The following NRXN1 variants were observed in gnomAD, a reference collection of about 807,000 sequenced individuals.
The protein encoded by NRXN1 is neurexin-1.
NRXN1 carries 39 observed loss-of-function variants against 150.9 expected under a neutral mutation model. The observed-to-expected ratio is 0.26, with a 90% CI of 0.20 to 0.34. The LOEUF (loss-of-function observed/expected upper bound fraction) is 0.34. NRXN1 is among the 10% of genes least tolerant of loss of function. NRXN1 has a pLI of 1.00. For missense variants in NRXN1, 1,815 were observed against 1,949.9 expected (o/e 0.93, Z 1.30); for synonymous variants, 924 against 757.0 (o/e 1.22, Z -3.62).
intron 5 of NRXN1, among the ~76,000 whole-genome samples, chr2:50,892,545 C>G (rs1316835324): frequency 2.0e-5 from 3 of 152,068 alleles, no homozygotes; most frequent in Non-Finnish European, 2.9e-5. Context: ...GAAAGAGCCA[C>G]CAAATAGTCT....
chr2:50,915,139 A>C (rs1221905833), intron 5 of NRXN1, among the ~76,000 whole-genome samples: 1 of 151,642 alleles, frequency 6.6e-6, no homozygotes, highest in Non-Finnish European at 1.5e-5. Flanking sequence ...AAAATCTTGA[A>C]GTATGTGAGA....
intron 8 of NRXN1, among the ~76,000 whole-genome samples, chr2:50,567,438 G>C (rs1670042571): frequency 6.6e-6 from 1 of 152,024 alleles, no homozygotes; most frequent in Non-Finnish European, 1.5e-5. Flanking sequence ...TCAGGTAAGT[G>C]AGATACTCAC....
chr2:50,662,651 G>C (rs897200204), intron 5 of NRXN1, among the ~76,000 whole-genome samples: 15 of 151,826 alleles, frequency 9.9e-5, no homozygotes, highest in African/African-American at 3.6e-4. Flanking sequence ...GTGGCCCAAG[G>C]CGATTCTTCT....
intron 17 of NRXN1, among the ~76,000 whole-genome samples, chr2:50,430,594 G>A (rs754001861): frequency 6.6e-6 from 1 of 152,128 alleles, no homozygotes; most frequent in Non-Finnish European, 1.5e-5. Flanking sequence ...AACAAGCACA[G>A]CCCTGTACCA....
At chr2:49,978,996 G>A (rs561598379) in intron 21 of NRXN1, among the ~76,000 whole-genome samples, 2 of 152,230 alleles carry the variant, frequency 1.3e-5, no homozygotes, top group African/African-American at 4.8e-5. Flanking sequence ...ATAACAACCA[G>A]GGTAAGACTT....
intron 17 of NRXN1, among the ~76,000 whole-genome samples, chr2:50,278,289 C>CATAT (rs3080646): frequency 1.7e-5 from 2 of 114,640 alleles, no homozygotes; most frequent in African/African-American, 7.1e-5. Flanking sequence ...ATATATAATA[C>CATAT]ATATATAATA....
chr2:50,601,380 T>C (rs1221606208), intron 8 of NRXN1, among the ~76,000 whole-genome samples: 1 of 152,332 alleles, frequency 6.6e-6, no homozygotes, highest in Middle Eastern at 3.4e-3. Flanking sequence ...AGTAGTATAA[T>C]ACGTGGTTTG....
intron 18 of NRXN1, among the ~76,000 whole-genome samples, chr2:50,208,858 T>G (rs1489338405): frequency 6.6e-6 from 1 of 152,134 alleles, no homozygotes; most frequent in African/African-American, 2.4e-5. Context: ...GTTAAAACAT[T>G]TGGGTCTTGT....
At chr2:50,269,047 G>GA (rs2069242025) in intron 17 of NRXN1, among the ~76,000 whole-genome samples, 1 of 151,618 alleles carries the variant, frequency 6.6e-6, no homozygotes, top group Non-Finnish European at 1.5e-5. Context: ...TTGTAGATAT[G>GA]GAAAGTATAG....
intron 21 of NRXN1, among the ~76,000 whole-genome samples, chr2:49,963,584 A>G (rs1484054785): frequency 6.6e-6 from 1 of 152,218 alleles, no homozygotes; most frequent in Admixed American, 6.5e-5. Flanking sequence ...TCTTGATTAC[A>G]GTATTCTAGA....
chr2:50,779,768 AAAAAT>A lies in NRXN1; in HGVS notation c.832+142096_832+142100del, dbSNP rs202024356. On this transcript the variant is annotated intron_variant, in intron 5 of 22. Coordinates refer to ENST00000401669, the MANE Select transcript of NRXN1 (RefSeq NM_001330078.2). ...GGGTGACAGAGCCGGACTCCGTCGC[AAAAAT>A]AAAATAAAATAAAATAAAACAAAAC... 6.6e-3 allele frequency among the ~76,000 whole-genome samples: 1,012 copies of A among 152,220 alleles called. 5 individuals are homozygous for A. Among genetic ancestry groups the A allele is most frequent in the African/African-American group, 0.023 (958 of 41,508 alleles).
At chr2:50,907,897 A>G (rs868680694) in intron 5 of NRXN1, among the ~76,000 whole-genome samples, 13 of 152,146 alleles carry the variant, frequency 8.5e-5, no homozygotes. Flanking sequence ...TTACATTTGT[A>G]GTAATTTGTT....
intron 21 of NRXN1, among the ~76,000 whole-genome samples, chr2:50,013,892 C>T (rs1191053222): frequency 6.6e-6 from 1 of 152,016 alleles, no homozygotes; most frequent in African/African-American, 2.4e-5. Flanking sequence ...GAATGCCTGA[C>T]AATGGGGGAG....
intron 5 of NRXN1, among the ~76,000 whole-genome samples, chr2:50,698,279 G>A (rs949306000): frequency 4.6e-5 from 7 of 152,110 alleles, no homozygotes; most frequent in African/African-American, 1.7e-4. Flanking sequence ...GAGGGCCAAG[G>A]GCCAAAATCT....
chr2:50,308,799 A>G (rs1270908925), intron 17 of NRXN1, among the ~76,000 whole-genome samples: 1 of 152,230 alleles, frequency 6.6e-6, no homozygotes, highest in Admixed American at 6.5e-5. Context: ...AGAGCATGGT[A>G]GACAGGGAGT....
chr2:50,107,649 G>A (rs1001248769), intron 18 of NRXN1, among the ~76,000 whole-genome samples: 6 of 150,464 alleles, frequency 4.0e-5, no homozygotes, highest in African/African-American at 7.3e-5. Context: ...TTGTTACAGA[G>A]CTGAAACGGA....
chr2:50,800,209 T>C (rs969208053), intron 5 of NRXN1, among the ~76,000 whole-genome samples: 2 of 152,176 alleles, frequency 1.3e-5, no homozygotes, highest in African/African-American at 4.8e-5. Context: ...AATTTTTCTA[T>C]TTTCAATTTC....
intron 18 of NRXN1, among the ~76,000 whole-genome samples, chr2:50,094,913 A>T (rs999444687): frequency 6.6e-6 from 1 of 152,162 alleles, no homozygotes; most frequent in Non-Finnish European, 1.5e-5. Flanking sequence ...TCTGTAAAGA[A>T]CCAAATGCTT....
chr2:50,411,857 G>A (rs768922297), intron 17 of NRXN1, among the ~76,000 whole-genome samples: 1 of 152,240 alleles, frequency 6.6e-6, no homozygotes, highest in Non-Finnish European at 1.5e-5. Context: ...GACGATGGTG[G>A]TTTTGTCAGA....
Sources: allele counts gnomAD v4.1 joint callset (sites outside exome capture counted in the v4.1 genomes callset), GRCh38; gene constraint gnomAD v4.1.1; transcripts MANE v1.5; gene names NCBI Gene and HGNC (gene_info 2026-07-23, HGNC 2026-07-21).